The following SH2D4B variants were observed in gnomAD, a reference collection of about 807,000 sequenced individuals.
SH2D4B encodes SH2 domain-containing protein 4B.
SH2D4B carries 45 observed loss-of-function variants against 61.5 expected under a neutral mutation model. The ratio of observed to expected loss-of-function variants is 0.73; its 90% CI spans 0.58 to 0.94. The LOEUF is 0.94. Ranked by LOEUF, SH2D4B falls within the 40% of genes least tolerant of loss-of-function variation. The probability of loss-of-function intolerance (pLI) is 0.00; values close to 1 mark genes in which losing one functional copy is unlikely to be tolerated. For synonymous variants in SH2D4B, 224 were observed against 220.4 expected (o/e 1.02, Z -0.14); for missense variants, 572 against 574.2 (o/e 1.00, Z 0.04).
chr10:80,562,988 G>A (rs890414868), intron 1 of SH2D4B, among the ~76,000 whole-genome samples: 33 of 130,586 alleles, frequency 2.5e-4, no homozygotes, highest in Non-Finnish European at 2.8e-4. Flanking sequence ...TGCAAGCTCC[G>A]CCTCCCGGGT....
chr10:80,605,700 G>C (rs898546938), intron 5 of SH2D4B, among the ~76,000 whole-genome samples: 1 of 152,072 alleles, frequency 6.6e-6, no homozygotes, highest in Non-Finnish European at 1.5e-5. Flanking sequence ...TGTATTTTTA[G>C]TAGAGACAGA....
chr10:80,559,762 C>T (rs149464173), intron 1 of SH2D4B, among the ~76,000 whole-genome samples: 2,751 of 151,426 alleles, frequency 0.018, 21 homozygotes, highest in Middle Eastern at 0.031. Flanking sequence ...CTAAGCCTCC[C>T]GAGTAGCTGG....
chr10:80,615,913 T>C (rs1046338478), intron 6 of SH2D4B, among the ~76,000 whole-genome samples: 12 of 152,192 alleles, frequency 7.9e-5, no homozygotes, highest in African/African-American at 2.9e-4. Context: ...TTAAAGTGTT[T>C]AGAACATGGT....
intron 7 of SH2D4B, among the ~76,000 whole-genome samples, chr10:80,642,108 T>G (rs564801006): frequency 1.4e-3 from 215 of 152,332 alleles, no homozygotes; most frequent in African/African-American, 4.6e-3. Flanking sequence ...GTAGTCTTTT[T>G]TGAGACAAGG....
chr10:80,597,948 T>C (rs1479268191), intron 4 of SH2D4B, among the ~76,000 whole-genome samples: 2 of 152,040 alleles, frequency 1.3e-5, no homozygotes, highest in East Asian at 3.9e-4. Flanking sequence ...AGAAAGAGTT[T>C]AAAAAGCATT....
intron 1 of SH2D4B, among the ~76,000 whole-genome samples, chr10:80,559,275 T>C (rs959068324): frequency 2.0e-5 from 3 of 152,344 alleles, no homozygotes; most frequent in Admixed American, 2.0e-4. Flanking sequence ...ATTCACATTA[T>C]ATCTTTTTTA....
intron 3 of SH2D4B, among the ~76,000 whole-genome samples, chr10:80,584,134 G>A (rs752646206): frequency 2.0e-5 from 3 of 152,228 alleles, no homozygotes; most frequent in Non-Finnish European, 4.4e-5. Flanking sequence ...GACATTTCCA[G>A]ACAAGACTCA....
At chr10:80,555,149 TG>T (rs1459859084) in intron 1 of SH2D4B, among the ~76,000 whole-genome samples, 1 of 152,154 alleles carries the variant, frequency 6.6e-6, no homozygotes, top group East Asian at 1.9e-4. Context: ...GGACCTACTG[TG>T]TGCAGTGTGC....
chr10:80,596,384 G>A (rs975007101), intron 4 of SH2D4B, among the ~76,000 whole-genome samples: 2 of 152,240 alleles, frequency 1.3e-5, no homozygotes, highest in Admixed American at 6.5e-5. Flanking sequence ...CTCATGAGCC[G>A]AGAACAGCCT....
intron 6 of SH2D4B, among the ~76,000 whole-genome samples, chr10:80,616,561 G>A (rs551270660): frequency 6.6e-6 from 1 of 151,078 alleles, no homozygotes; most frequent in African/African-American, 2.4e-5. Flanking sequence ...TGTAGTTCTG[G>A]TGTCCACTTT....
At chr10:80,587,130 GTTTTTTTTTTTTTTTGTTTTGTTT>G (rs1210034060) in intron 3 of SH2D4B, among the ~76,000 whole-genome samples, 2 of 67,248 alleles carry the variant, frequency 3.0e-5, no homozygotes, top group African/African-American at 9.1e-5. Context: ...TTCCGGCCAC[GTTTTTTTTTTTTTTTGTTTTGTTT>G]TTTTTTTTTT....
chr10:80,543,743 C>A (rs1217182229), intron 1 of SH2D4B, among the ~76,000 whole-genome samples: 2 of 152,174 alleles, frequency 1.3e-5, no homozygotes, highest in Non-Finnish European at 2.9e-5. Context: ...CCAATCGGCA[C>A]TCTGTATCTA....
At chr10:80,596,599 G>T (rs1009021160) in intron 4 of SH2D4B, among the ~76,000 whole-genome samples, 1 of 152,224 alleles carries the variant, frequency 6.6e-6, no homozygotes, top group Non-Finnish European at 1.5e-5. Flanking sequence ...GCCTCCAGGG[G>T]TCCATGCACA....
chr10:80,585,965 TCGGA>T (rs762347525), intron 3 of SH2D4B, among the ~76,000 whole-genome samples: 108 of 151,950 alleles, frequency 7.1e-4, no homozygotes, highest in Non-Finnish European at 8.4e-4. Flanking sequence ...GGCCCCACAC[TCGGA>T]GCGTCGAGCC....
chr10:80,619,579 C>T (rs1211664303), intron 6 of SH2D4B, among the ~76,000 whole-genome samples: 1 of 152,256 alleles, frequency 6.6e-6, no homozygotes, highest in Admixed American at 6.5e-5. Flanking sequence ...TCACTTCTGC[C>T]ACTGACCCTT....
At chr10:80,594,228 G>T (rs1842362465) in intron 4 of SH2D4B, among the ~76,000 whole-genome samples, 1 of 152,142 alleles carries the variant, frequency 6.6e-6, no homozygotes, top group African/African-American at 2.4e-5. Flanking sequence ...TGCTTGTTCT[G>T]CATCTGTTGA....
intron 6 of SH2D4B, among the ~76,000 whole-genome samples, chr10:80,624,420 A>G (rs1589361658): frequency 6.6e-6 from 1 of 152,174 alleles, no homozygotes; most frequent in East Asian, 1.9e-4. Flanking sequence ...AGGGACCTTC[A>G]TAGGACCTAT....
chr10:80,561,562 AAACTTTTTATTTTGAATT>A (rs1349137435), intron 1 of SH2D4B, among the ~76,000 whole-genome samples: 1 of 152,222 alleles, frequency 6.6e-6, no homozygotes, highest in African/African-American at 2.4e-5. Flanking sequence ...TTTAAATATT[AAACTTTTTATTTTGAATT>A]AACTTTAGAC....
At chr10:80,601,097 T>C (rs1473653761) in intron 4 of SH2D4B, among the ~76,000 whole-genome samples, 2 of 152,202 alleles carry the variant, frequency 1.3e-5, no homozygotes, top group African/African-American at 4.8e-5. Flanking sequence ...AGGCCCTTCC[T>C]TGAGGAACAC....
Sources: gnomAD v4.1 joint callset for allele counts (sites outside exome capture counted in the v4.1 genomes callset) on GRCh38, gnomAD v4.1.1 for gene constraint, MANE v1.5 for transcripts, NCBI Gene and HGNC (gene_info 2026-07-23, HGNC 2026-07-21) for gene names.